The following ADAMTS16 variants were observed in gnomAD, a reference collection of about 807,000 sequenced individuals.
The protein encoded by ADAMTS16 is ADAM metallopeptidase with thrombospondin type 1 motif 16, also known as A disintegrin and metalloproteinase with thrombospondin motifs 16.
Under a neutral mutation model 145.8 loss-of-function variants are expected in ADAMTS16, and 94 were observed. That is an observed-to-expected ratio of 0.64 (90% CI 0.55 to 0.77). ADAMTS16 has a LOEUF of 0.77. Ranked by LOEUF, ADAMTS16 falls within the 30% of genes least tolerant of loss-of-function variation. The pLI is 0.00. For synonymous variants in ADAMTS16, 659 were observed against 604.3 expected (o/e 1.09, Z -1.33); for missense variants, 1,585 against 1,591.5 (o/e 1.00, Z 0.07).
chr5:5,208,884 G>A (rs1177822816), intron 9 of ADAMTS16, among the ~76,000 whole-genome samples: 2 of 152,076 alleles, frequency 1.3e-5, no homozygotes, highest in Non-Finnish European at 2.9e-5. Flanking sequence ...CAGGTACAAT[G>A]TATAATAAAC....
chr5:5,282,096 G>A (rs13175795), intron 18 of ADAMTS16, among the ~76,000 whole-genome samples: 36,896 of 144,308 alleles, frequency 0.26, 4,692 homozygotes, highest in Middle Eastern at 0.33. Context: ...TGAGTGGCTG[G>A]TTTGGGAGAT....
chr5:5,140,649 CGCT>C lies in ADAMTS16; in HGVS notation c.73-13_73-11del, dbSNP rs751013579. 3.2e-5 allele frequency: 50 copies of C among 1,539,806 alleles called. No homozygotes were observed. Among genetic ancestry groups the C allele is most frequent in the Non-Finnish European group, 4.2e-5 (48 of 1,147,222 alleles). ...CCCCGCCGTCTCACCGCGATGTCGC[CGCT>C]GTTTTCCGCAGGCACCTGCGTGCGC... On this transcript the variant is annotated splice_polypyrimidine_tract_variant and intron_variant, in intron 1 of 22. Coordinates refer to ENST00000274181, the MANE Select transcript of ADAMTS16 (RefSeq NM_139056.4).
chr5:5,305,168 C>T (rs1377935572), intron 20 of ADAMTS16, among the ~76,000 whole-genome samples: 1 of 56,614 alleles, frequency 1.8e-5, no homozygotes, highest in African/African-American at 6.4e-5. Flanking sequence ...CACACATATC[C>T]CACACCACAC....
At chr5:5,154,255 T>C (rs979166441) in intron 3 of ADAMTS16, among the ~76,000 whole-genome samples, 1 of 152,126 alleles carries the variant, frequency 6.6e-6, no homozygotes, top group African/African-American at 2.4e-5. Flanking sequence ...ATGTCAGTCT[T>C]GGGAGGCATG....
chr5:5,282,645 A>G (rs1738965233), intron 18 of ADAMTS16, among the ~76,000 whole-genome samples: 1 of 152,188 alleles, frequency 6.6e-6, no homozygotes, highest in Non-Finnish European at 1.5e-5. Flanking sequence ...TGTCTTTCTT[A>G]GAAGGTTTAG....
chr5:5,196,364 G>T (rs1205716671), intron 8 of ADAMTS16, among the ~76,000 whole-genome samples: 1 of 151,866 alleles, frequency 6.6e-6, no homozygotes, highest in Non-Finnish European at 1.5e-5. Flanking sequence ...GATGACATGT[G>T]CCTCCACCCC....
At chr5:5,170,381 T>C (rs1735012328) in intron 3 of ADAMTS16, among the ~76,000 whole-genome samples, 1 of 152,124 alleles carries the variant, frequency 6.6e-6, no homozygotes, top group Admixed American at 6.5e-5. Context: ...TTTATTTCTA[T>C]TTATTTATTT....
chr5:5,306,965 A>G (rs977361175), intron 21 of ADAMTS16, among the ~76,000 whole-genome samples: 1 of 152,160 alleles, frequency 6.6e-6, no homozygotes, highest in African/African-American at 2.4e-5. Context: ...TTTCCTCTAA[A>G]TGTCACCCAA....
At chr5:5,261,935 C>A (rs927000553) in intron 17 of ADAMTS16, among the ~76,000 whole-genome samples, 10 of 152,202 alleles carry the variant, frequency 6.6e-5, no homozygotes, top group Non-Finnish European at 1.3e-4. Flanking sequence ...AACTCCCCCT[C>A]CTCCAAGACC....
rs572905847 is a variant in ADAMTS16 at position 5,267,528 on chromosome 5, G to A, written c.2789+4745G>A. Among the ~76,000 whole-genome samples, 71 of 152,238 alleles carry A rather than the reference G, an allele frequency of 4.7e-4. No individual in the cohort carries two copies. In the South Asian group the frequency reaches 5.6e-3, roughly 12 times the overall value. On this transcript the variant is annotated intron_variant, in intron 18 of 22. Transcript: ENST00000274181. ...TCCACAGCTGAGTTCTCCTCCGACC[G>A]TCCCAGACAAACTCTGGTTGATGGC...
intron 10 of ADAMTS16, among the ~76,000 whole-genome samples, chr5:5,216,872 T>C (rs1318637989): frequency 6.6e-6 from 1 of 150,752 alleles, no homozygotes; most frequent in African/African-American, 2.4e-5. Context: ...TTTTTTGTTC[T>C]TGCGATAGTT....
chr5:5,286,164 C>T lies in ADAMTS16; in HGVS notation c.2790-17104C>T, dbSNP rs541807759. ...AATGAGGTCTTTAAATACAGCCTTT[C>T]TCTACCCCCAACTCATTGTAACAAT... On this transcript the variant is annotated intron_variant, in intron 18 of 22. Transcript: ENST00000274181. 3.9e-5 allele frequency among the ~76,000 whole-genome samples: 6 copies of T among 152,280 alleles called. No homozygotes were observed. In the East Asian group the frequency reaches 1.2e-3, roughly 29 times the overall value.
At position 5,212,189 on chromosome 5, in the gene ADAMTS16, G is replaced by GTTTTTTTTTTTTTTTTTTTTTTTTTT. The variant is rs200419820; in HGVS notation, c.1605+2943_1605+2944insTTTTTTTTTTTTTTTTTTTTTTTTTT. ...TCATGTTAGTACTATTAGTTTCTGG[G>GTTTTTTTTTTTTTTTTTTTTTTTTTT]GTTTTTTTTGTTTTGTTTTGTTTTG... is the stretch of plus-strand genomic sequence containing the variant. On this transcript the variant is annotated intron_variant, in intron 10 of 22. Coordinates refer to ENST00000274181, the MANE Select transcript of ADAMTS16 (RefSeq NM_139056.4). Among the ~76,000 whole-genome samples, 2 of 98,718 alleles carry GTTTTTTTTTTTTTTTTTTTTTTTTTT rather than the reference G, an allele frequency of 2.0e-5. 1 individual carries two copies. The allele number at this position is 98,718 out of a possible 152,430, so 64.8% of individuals were successfully genotyped here.
intron 3 of ADAMTS16, among the ~76,000 whole-genome samples, chr5:5,178,453 C>T (rs896437907): frequency 1.3e-5 from 2 of 152,160 alleles, no homozygotes; most frequent in Admixed American, 6.5e-5. Context: ...TAATCTTCTG[C>T]AATTTACCTT....
At chr5:5,147,527 G>A (rs1007831914) in intron 3 of ADAMTS16, among the ~76,000 whole-genome samples, 2 of 152,130 alleles carry the variant, frequency 1.3e-5, no homozygotes, top group Admixed American at 1.3e-4. Context: ...TTTTTTAGAT[G>A]TTAACATTCT....
chr5:5,220,599 A>G (rs1736574413), intron 10 of ADAMTS16, among the ~76,000 whole-genome samples: 4 of 152,072 alleles, frequency 2.6e-5, no homozygotes, highest in Non-Finnish European at 5.9e-5. Context: ...GACCTGTGCC[A>G]TTGTCTCCTC....
intron 11 of ADAMTS16, among the ~76,000 whole-genome samples, chr5:5,231,434 T>C (rs78849199): frequency 1.9e-5 from 1 of 52,108 alleles, no homozygotes; most frequent in African/African-American, 5.5e-5. Flanking sequence ...GAAAGTAGCC[T>C]TTTTTTTTTT....
chr5:5,214,228 T>G (rs1288192126), intron 10 of ADAMTS16, among the ~76,000 whole-genome samples: 1 of 152,230 alleles, frequency 6.6e-6, no homozygotes, highest in African/African-American at 2.4e-5. Context: ...AGTTTTGTTT[T>G]GTTTTGCAGA....
intron 18 of ADAMTS16, among the ~76,000 whole-genome samples, chr5:5,290,017 G>A (rs1579385070): frequency 6.6e-6 from 1 of 152,192 alleles, no homozygotes; most frequent in South Asian, 2.1e-4. Flanking sequence ...TCAGTCTACG[G>A]TCATCTCATT....
Sources: gnomAD v4.1 joint callset for allele counts (sites outside exome capture counted in the v4.1 genomes callset) on GRCh38, gnomAD v4.1.1 for gene constraint, MANE v1.5 for transcripts, NCBI Gene and HGNC (gene_info 2026-07-23, HGNC 2026-07-21) for gene names.